TRIB1: variants seen among roughly 807,000 people sequenced by gnomAD.
TRIB1 encodes tribbles pseudokinase 1.
TRIB1 carries 12 observed loss-of-function variants against 27.8 expected under a neutral mutation model. That is an observed-to-expected ratio of 0.43 (90% CI 0.28 to 0.70). The LOEUF (loss-of-function observed/expected upper bound fraction) is 0.70. Among genes scored for constraint, TRIB1 ranks in the 30% least tolerant of loss-of-function variants. The probability of loss-of-function intolerance (pLI) is 0.18; values close to 1 mark genes in which losing one functional copy is unlikely to be tolerated. For synonymous variants in TRIB1, 230 were observed against 224.9 expected, an observed-to-expected ratio of 1.02 and a Z score of -0.20; for missense variants, 475 against 515.8, an observed-to-expected ratio of 0.92 and a Z score of 0.77.
chr8:125,433,312 T>C lies in TRIB1; in HGVS notation c.361-5T>C. 6.2e-7 allele frequency: 1 copy of C among 1,612,078 alleles called. No individual in the cohort carries two copies. Among genetic ancestry groups the C allele is most frequent in the East Asian group, 2.2e-5 (1 of 44,812 alleles). Reference sequence around the variant, plus strand: ...CCCCTAAACGGGCCCCCCTTCTCTCTACAGGTGTTTCCCATTAAACACTAC... The same window carrying C: ...CCCCTAAACGGGCCCCCCTTCTCTCCACAGGTGTTTCCCATTAAACACTAC... On this transcript the variant is annotated splice_polypyrimidine_tract_variant and splice_region_variant and intron_variant, in intron 1 of 2. Coordinates refer to ENST00000311922, the MANE Select transcript of TRIB1 (RefSeq NM_025195.4). The surrounding 1 kb of genome is among the most constrained non-coding windows in gnomAD (Gnocchi z 4.4).
rs1287251155 is a variant in TRIB1 at position 125,433,511 on chromosome 8, C to T, written c.555C>T (p.Leu185=). The change falls in exon 2 of 3, where the codon CTC becomes CTT. Residue 185 remains leucine, a synonymous_variant. Coordinates refer to ENST00000311922, the MANE Select transcript of TRIB1 (RefSeq NM_025195.4). This position sits in a 1 kb window ranked among gnomAD's most constrained non-coding sequence, Gnocchi z 4.4. ...KRLREEEAAR[L]FKQIVSAVAH... ...TGCGGGAAGAGGAAGCCGCCCGGCT[C>T]TTCAAGCAGATTGTCTCCGCCGTCG... 6.2e-7 allele frequency: 1 copy of T among 1,614,112 alleles called. No individual in the cohort carries two copies.
In TRIB1 at chr8:125,430,929, C is replaced by G. The variant is rs1237411038; in HGVS notation, c.27C>G (p.Ala9=). 2.7e-6 allele frequency: 4 copies of G among 1,467,768 alleles called. No individual in the cohort carries two copies. The highest frequency in any genetic ancestry group is 3.6e-6 in the Non-Finnish European group (4 of 1,117,154). 90.9% of individuals were successfully genotyped at this position (1,467,768 alleles called of 1,614,324 possible). A position where few individuals can be genotyped will look rare whatever the true frequency, so the allele number is the denominator to read the frequency against. ...TGCGGGTCGGTCCGGTGCGCTCTGCCATGAGCGGCGCCTCGCAGCCCCGCG... is the reference window on the plus strand; with the variant it reads ...TGCGGGTCGGTCCGGTGCGCTCTGCGATGAGCGGCGCCTCGCAGCCCCGCG... The part of the protein sequence containing the change: MRVGPVRS[A]MSGASQPRGP... Residue 9 remains alanine, a synonymous_variant, in exon 1 of 3, where the codon GCC becomes GCG. Coordinates refer to ENST00000311922, the MANE Select transcript of TRIB1 (RefSeq NM_025195.4).
chr8:125,430,944 G>A lies in TRIB1; in HGVS notation c.42G>A (p.Ser14=). 1 of 1,470,780 alleles carries A rather than the reference G, an allele frequency of 6.8e-7. No homozygotes were observed. 91.1% of individuals were successfully genotyped at this position (1,470,780 alleles called of 1,614,324 possible). ...TGCGCTCTGCCATGAGCGGCGCCTC[G>A]CAGCCCCGCGGCCCGGCCCTGCTCT... The part of the protein sequence containing the change: ...GPVRSAMSGA[S]QPRGPALLFP... The change falls in exon 1 of 3, where the codon TCG becomes TCA. Residue 14 remains serine, a synonymous_variant. Coordinates refer to ENST00000311922, the MANE Select transcript of TRIB1 (RefSeq NM_025195.4).
chr8:125,436,391 A>T lies in TRIB1; in HGVS notation c.1039A>T (p.Ile347Phe), dbSNP rs776955393. 1.1e-5 allele frequency: 17 copies of T among 1,613,776 alleles called. No homozygotes were observed. Among genetic ancestry groups the T allele is most frequent in the Middle Eastern group, 1.6e-4 (1 of 6,084 alleles). ...WFESVLEPGY[I>F]DSEIGTSDQI... ...TGAGTCCGTCTTGGAACCCGGGTAC[A>T]TCGACTCAGAAATAGGAACTTCAGA... is the stretch of plus-strand genomic sequence containing the variant. The change falls in exon 3 of 3, where the codon ATC (isoleucine) becomes TTC (phenylalanine). Residue 347 changes from isoleucine (I) to phenylalanine (F), a missense_variant. By Grantham distance (21) the Ile-to-Phe change is conservative. Transcript: ENST00000311922.
Position 125,436,267 on chromosome 8 carries a change from G to A in TRIB1, c.915G>A (p.Glu305=), listed in dbSNP as rs2129818208. ...KIRRGQFCIP[E]HISPKARCLI... is the part of the protein sequence containing the mutation. ...GGCGTGGACAGTTCTGCATTCCTGA[G>A]CACATTTCCCCCAAAGCCAGGTGCC... The change falls in exon 3 of 3, where the codon GAG becomes GAA. Residue 305 remains glutamate (E), a synonymous_variant. Transcript: ENST00000311922. 1 of 1,614,000 alleles carries A rather than the reference G, an allele frequency of 6.2e-7. No homozygotes were observed. Among genetic ancestry groups the A allele is most frequent in the Non-Finnish European group, 8.5e-7 (1 of 1,180,018 alleles).
chr8:125,433,384 T>C lies in TRIB1; in HGVS notation c.428T>C (p.Ile143Thr), dbSNP rs1440108532. ...ATCCAGCTGCCATCGCACAGCAACA[T>C]TACTGGCATTGTGGAAGTGATCCTT... ...PYIQLPSHSN[I>T]TGIVEVILGE... The change falls in exon 2 of 3, where the codon ATT becomes ACT. Residue 143 changes from isoleucine (I) to threonine (T), a missense_variant. By Grantham distance (89) the Ile-to-Thr change is moderately conservative. Coordinates refer to ENST00000311922, the MANE Select transcript of TRIB1 (RefSeq NM_025195.4). The surrounding 1 kb of genome is among the most constrained non-coding windows in gnomAD (Gnocchi z 4.4). The C allele has an allele frequency of 2.5e-6, 4 of 1,614,208 alleles. No homozygotes were observed. Among genetic ancestry groups the C allele is most frequent in the Non-Finnish European group, 3.4e-6 (4 of 1,180,034 alleles).
At chr8:125,431,407 T>G in intron 1 of TRIB1, 145 bp downstream of exon 1, 1 of 952,336 alleles carries the variant, frequency 1.1e-6, no homozygotes, top group Non-Finnish European at 1.4e-6. Flanking sequence ...TTTGACCAGG[T>G]TCACGTTTTT....
At chr8:125,435,857 G>A in intron 2 of TRIB1, 149 bp from the exon 3 acceptor site, 1 of 656,402 alleles carries the variant, frequency 1.5e-6, no homozygotes, top group Non-Finnish European at 2.6e-6. Context: ...GGAGCCCTCG[G>A]TAGTTGCAGG....
Position 125,431,176 on chromosome 8 carries a change from G to T in TRIB1, c.274G>T (p.Ala92Ser), listed in dbSNP as rs766476837. ...GAGCGCGCCGGGGCCCAGCCGCATC[G>T]CCGACTACCTGCTGCTGCCCCTAGC... is the stretch of plus-strand genomic sequence containing the variant. Reference protein sequence around the residue: ...SGSAPGPSRIADYLLLPLAER... With the variant: ...SGSAPGPSRISDYLLLPLAER... The change falls in exon 1 of 3, where the codon GCC (alanine) becomes TCC (serine). Residue 92 changes from alanine to serine, a missense_variant. Ala to Ser is a moderately conservative substitution (Grantham distance 99). Transcript: ENST00000311922. The T allele has an allele frequency of 4.6e-6, 6 of 1,297,196 alleles. No homozygotes were observed. Among genetic ancestry groups the T allele is most frequent in the Non-Finnish European group, 5.8e-6 (6 of 1,027,430 alleles). The allele number at this position is 1,297,196 out of a possible 1,614,324, so 80.4% of individuals were successfully genotyped here. A position where few individuals can be genotyped will look rare whatever the true frequency, so the allele number is the denominator to read the frequency against.
At chr8:125,432,504 G>C (rs1442295502) in intron 1 of TRIB1, among the ~76,000 whole-genome samples, 3 of 152,082 alleles carry the variant, frequency 2.0e-5, no homozygotes, top group Admixed American at 6.6e-5. Context: ...CAGCCCGTGT[G>C]TCACCGTTTC....
At chr8:125,432,180 G>A in intron 1 of TRIB1, 2 of 930,920 alleles carry the variant, frequency 2.1e-6, no homozygotes, top group Non-Finnish European at 2.6e-6. Flanking sequence ...CCAACACCCC[G>A]ACCCCGTCCC....
chr8:125,431,106 C>T lies in TRIB1; in HGVS notation c.204C>T (p.Ser68=), dbSNP rs2385113. The change falls in exon 1 of 3, where the codon AGC becomes AGT. Residue 68 remains serine (S), a synonymous_variant. Transcript: ENST00000311922. The part of the protein sequence containing the change: ...DYLSPPGSPC[S]PQPPPAAPGA... ...TCAGCCCCCCCGGCTCGCCCTGCAG[C>T]CCGCAGCCCCCGCCTGCCGCTCCGG... The T allele has an allele frequency of 0.46, 612,974 of 1,341,706 alleles. 143,736 individuals carry two copies. Among genetic ancestry groups the T allele is most frequent in the South Asian group, 0.69 (35,671 of 51,352 alleles). 83.1% of individuals were successfully genotyped at this position (1,341,706 alleles called of 1,614,324 possible). A position where few individuals can be genotyped will look rare whatever the true frequency, so the allele number is the denominator to read the frequency against.
At position 125,438,102 on chromosome 8, in the gene TRIB1, C is replaced by G. The variant is rs1029377960; in HGVS notation, c.*1631C>G. On this transcript the variant is annotated 3_prime_UTR_variant, in exon 3 of 3. Transcript: ENST00000311922. ...GGCTTGTTTTGTTGTCTGTGTCTGT[C>G]TGAATAACCTGCGTGTCTAAAACCA... 23 of 152,678 alleles carry G rather than the reference C, an allele frequency of 1.5e-4. No homozygotes were observed. Among genetic ancestry groups the G allele is most frequent in the East Asian group, 3.8e-4 (2 of 5,328 alleles). The allele number at this position is 152,678 out of a possible 1,614,324, so 9.5% of individuals were successfully genotyped here. A position where few individuals can be genotyped will look rare whatever the true frequency, so the allele number is the denominator to read the frequency against.
Position 125,431,025 on chromosome 8 carries a change from G to T in TRIB1, c.123G>T (p.Ala41=). Reference sequence around the variant, plus strand: ...GCCTGCTGGACGCCGACGACGCGGCGGCTGTGGCGGCCAAGTGCCCGCGCC... The same window carrying T: ...GCCTGCTGGACGCCGACGACGCGGCTGCTGTGGCGGCCAAGTGCCCGCGCC... ...AKRLLDADDA[A]AVAAKCPRLS... Residue 41 remains alanine, a synonymous_variant, in exon 1 of 3, where the codon GCG becomes GCT. Transcript: ENST00000311922. The T allele has an allele frequency of 6.8e-7, 1 of 1,460,922 alleles. No homozygotes were observed. The allele number at this position is 1,460,922 out of a possible 1,614,324, so 90.5% of individuals were successfully genotyped here.
chr8:125,435,825 T>A (rs1357229155), intron 2 of TRIB1, among the ~76,000 whole-genome samples, 181 bp from the exon 3 acceptor site: 2 of 152,260 alleles, frequency 1.3e-5, no homozygotes, highest in Non-Finnish European at 2.9e-5. Flanking sequence ...TTTATTGCAG[T>A]TCGTGTTAGT....
chr8:125,434,953 G>A (rs1019805145), intron 2 of TRIB1, among the ~76,000 whole-genome samples: 1 of 151,940 alleles, frequency 6.6e-6, no homozygotes, highest in African/African-American at 2.4e-5. Context: ...ACCTTTGAGA[G>A]GAAAAGGAAT....
chr8:125,432,350 GGGATGGGGTGGGA>G, intron 1 of TRIB1: 1 of 764,578 alleles, frequency 1.3e-6, no homozygotes, highest in Non-Finnish European at 1.6e-6. Flanking sequence ...GGGATGGGAT[GGGATGGGGTGGGA>G]GGAGGGGGCA....
intron 2 of TRIB1, among the ~76,000 whole-genome samples, chr8:125,434,603 C>T (rs907249414): frequency 1.8e-4 from 27 of 152,176 alleles, no homozygotes; most frequent in Admixed American, 3.9e-4. Context: ...GGAACATGCT[C>T]CTTTGATATG....
rs1008370382 is a variant in TRIB1 at position 125,430,402 on chromosome 8, T to G, written c.-501T>G. On this transcript the variant is annotated 5_prime_UTR_variant, in exon 1 of 3. Coordinates refer to ENST00000311922, the MANE Select transcript of TRIB1 (RefSeq NM_025195.4). ...CTCTCTGAGCGCGTCTCGCTCGCTC[T>G]CATACACGCCCGGAGCCCAGGAGCG... 6.5e-6 allele frequency: 1 copy of G among 153,982 alleles called. No individual in the cohort carries two copies. The highest frequency in any genetic ancestry group is 1.4e-5 in the Non-Finnish European group (1 of 69,022). 9.5% of individuals were successfully genotyped at this position (153,982 alleles called of 1,614,324 possible).
Sources: gnomAD v4.1 joint callset for allele counts (sites outside exome capture counted in the v4.1 genomes callset) on GRCh38, gnomAD v4.1.1 for gene constraint, Gnocchi (gnomAD v3.1) non-coding constraint, MANE v1.5 for transcripts, NCBI Gene and HGNC (gene_info 2026-07-23, HGNC 2026-07-21) for gene names.